The following GBF1 variants were observed in gnomAD, a reference collection of about 807,000 sequenced individuals.
GBF1 encodes the protein golgi brefeldin A resistant guanine nucleotide exchange factor 1, also known as Golgi-specific brefeldin A-resistance guanine nucleotide exchange factor 1.
Under a neutral mutation model 210.5 loss-of-function variants are expected in GBF1, and 114 were observed. That is an observed-to-expected ratio of 0.54 (90% CI 0.47 to 0.63). GBF1 has a LOEUF of 0.63. Among genes scored for constraint, GBF1 ranks in the 30% least tolerant of loss-of-function variants. The pLI, the probability that GBF1 is intolerant of heterozygous loss-of-function variation, is 0.00. For synonymous variants in GBF1, 850 were observed against 889.2 expected, an observed-to-expected ratio of 0.96 and a Z score of 0.78; for missense variants, 1,851 against 2,357.7, an observed-to-expected ratio of 0.79 and a Z score of 4.45.
intron 17 of GBF1, among the ~76,000 whole-genome samples, chr10:102,364,224 T>A: frequency 7.3e-6 from 1 of 136,476 alleles, no homozygotes; most frequent in East Asian, 2.3e-4. Flanking sequence ...TTTCTTTTTT[T>A]TTTTTTTTTT....
chr10:102,237,888 C>CT, the GBF1 span, among the ~76,000 whole-genome samples: 3 of 151,158 alleles, frequency 2.0e-5, no homozygotes, highest in South Asian at 2.1e-4. Flanking sequence ...TCCTCCCCCG[C>CT]CCACCCCACT....
intron 3 of GBF1, among the ~76,000 whole-genome samples, chr10:102,332,888 G>C (rs138853211): frequency 3.3e-5 from 5 of 152,330 alleles, no homozygotes; most frequent in African/African-American, 1.2e-4. Context: ...TTGATAAAAA[G>C]AAGCAGATCT....
chr10:102,251,656 T>A (rs2071556079), intron 1 of GBF1, among the ~76,000 whole-genome samples: 1 of 152,254 alleles, frequency 6.6e-6, no homozygotes, highest in Admixed American at 6.5e-5. Flanking sequence ...TGGGCTCAAG[T>A]GATCCTCCTG....
intron 29 of GBF1, among the ~76,000 whole-genome samples, chr10:102,371,796 G>A (rs1038049848): frequency 6.6e-6 from 1 of 152,048 alleles, no homozygotes; most frequent in African/African-American, 2.4e-5. Context: ...GGGTGTGGTG[G>A]CACACACCTG....
intron 22 of GBF1, 49 bp from the exon 23 acceptor site, chr10:102,368,690 G>C: frequency 7.5e-7 from 1 of 1,325,564 alleles, no homozygotes; most frequent in Non-Finnish European, 1.1e-6. Context: ...TGGAAGGGCT[G>C]CTTGGCCTTC....
chr10:102,332,729 C>T (rs2057427610), intron 3 of GBF1, among the ~76,000 whole-genome samples: 1 of 152,146 alleles, frequency 6.6e-6, no homozygotes. Context: ...TTATCTTCTA[C>T]TGCTGGCCCT....
intron 1 of GBF1, among the ~76,000 whole-genome samples, chr10:102,250,343 G>A (rs779013299): frequency 6.6e-6 from 1 of 151,722 alleles, no homozygotes; most frequent in Non-Finnish European, 1.5e-5. Context: ...CTATAGGTGC[G>A]TGCCACCACG....
chr10:102,359,524 G>C (rs2059474295), intron 11 of GBF1, 89 bp downstream of exon 11: 1 of 905,138 alleles, frequency 1.1e-6, no homozygotes, highest in African/African-American at 1.6e-5. Flanking sequence ...CCAAGATATT[G>C]GACTACTGCC....
intron 7 of GBF1, 72 bp downstream of exon 7, chr10:102,352,590 G>T: frequency 9.4e-7 from 1 of 1,059,098 alleles, no homozygotes; most frequent in East Asian, 2.4e-5. Flanking sequence ...ACACAGCCAC[G>T]TCAGGGACCT....
chr10:102,375,700 C>T, intron 30 of GBF1, 116 bp downstream of exon 30: 1 of 674,872 alleles, frequency 1.5e-6, no homozygotes, highest in Non-Finnish European at 2.6e-6. Context: ...GCCCTGGCTC[C>T]TGCCATCACT....
chr10:102,338,769 A>T (rs1189193544), intron 3 of GBF1, among the ~76,000 whole-genome samples: 2 of 151,782 alleles, frequency 1.3e-5, no homozygotes, highest in Non-Finnish European at 2.9e-5. Context: ...AAACATGGAG[A>T]TACCCCGTCT....
At chr10:102,240,731 C>A (rs903024749), upstream of GBF1, among the ~76,000 whole-genome samples, 2 of 152,276 alleles carry the variant, frequency 1.3e-5, no homozygotes, top group African/African-American at 2.4e-5. Context: ...CACCCCAAGC[C>A]AGATCCACTA....
intron 4 of GBF1, among the ~76,000 whole-genome samples, chr10:102,350,497 G>T (rs1174131782): frequency 2.0e-5 from 3 of 152,156 alleles, no homozygotes; most frequent in Non-Finnish European, 4.4e-5. Context: ...GAGAGAAGCT[G>T]TGTTGAAAGA....
At chr10:102,285,775 GCT>G (rs780433678) in intron 3 of GBF1, among the ~76,000 whole-genome samples, 6 of 151,936 alleles carry the variant, frequency 3.9e-5, no homozygotes, top group African/African-American at 7.2e-5. Flanking sequence ...GGAACTTCTA[GCT>G]CTCTCCGTTT....
At chr10:102,233,117 T>G in the GBF1 span, among the ~76,000 whole-genome samples, 4 of 152,076 alleles carry the variant, frequency 2.6e-5, no homozygotes, top group Admixed American at 2.6e-4. Context: ...TATTATTATT[T>G]TATTTTTCTG....
rs557186679 is a variant in GBF1, at chr10:102,269,180, G to A, written c.163+9064G>A. Among the ~76,000 whole-genome samples, 39 of 152,258 alleles carry A rather than the reference G, an allele frequency of 2.6e-4. No homozygotes were observed. In the South Asian group the frequency reaches 7.5e-3, roughly 29 times the overall value. ...TACCACTGTAGGTCGAGTTGTGAAG[G>A]GCTGCCACATGTGCACAGATCACAA... On this transcript the variant is annotated intron_variant, in intron 3 of 39. Transcript: ENST00000369983.
chr10:102,231,774 C>G, the GBF1 span: 31 of 1,604,170 alleles, frequency 1.9e-5, no homozygotes, highest in African/African-American at 4.0e-4. Context: ...GCAGCGAAGC[C>G]GAGGCCTTTT....
chr10:102,269,712 T>C (rs1009177389), intron 3 of GBF1, among the ~76,000 whole-genome samples: 16 of 152,070 alleles, frequency 1.1e-4, no homozygotes, highest in African/African-American at 3.9e-4. Flanking sequence ...AAAGCCTCAT[T>C]CCAAATGAGT....
In GBF1 at chr10:102,369,878, T is replaced by G; in HGVS notation, c.3233T>G (p.Leu1078Arg). The G allele has an allele frequency of 1.2e-6, 2 of 1,614,142 alleles. No homozygotes were observed. The highest frequency in any genetic ancestry group is 1.7e-6 in the Non-Finnish European group (2 of 1,180,004). Residue 1078 changes from leucine (L) to arginine (R), a missense_variant, in exon 26 of 40, where the codon CTG becomes CGG. Around this residue, in one of 3 missense-constraint regions of GBF1, gnomAD observed 967 missense variants for 1,247.7 expected, o/e 0.78. Transcript: ENST00000369983. Reference sequence around the variant, plus strand: ...TTCTACAGAGGAGAGTCAACAGTGCTGAGCTTTGTGAGCTGGCTAACACTG... The same window carrying G: ...TTCTACAGAGGAGAGTCAACAGTGCGGAGCTTTGTGAGCTGGCTAACACTG... Reference protein sequence around the residue: ...TPSNRGESTVLSFVSWLTLSG... With the variant: ...TPSNRGESTVRSFVSWLTLSG...
Sources: gnomAD v4.1 joint callset for allele counts (sites outside exome capture counted in the v4.1 genomes callset) on GRCh38, gnomAD v4.1.1 for gene constraint, gnomAD v4.1.1 regional missense constraint, MANE v1.5 for transcripts, NCBI Gene and HGNC (gene_info 2026-07-23, HGNC 2026-07-21) for gene names.